The following ASXL1 variants were observed in gnomAD, a reference collection of about 807,000 sequenced individuals.
ASXL1 encodes the protein polycomb group protein ASXL1.
In ASXL1, 65 loss-of-function variants were observed where a neutral mutation model predicts 89.1. The ratio of observed to expected loss-of-function variants is 0.73; its 90% CI spans 0.60 to 0.90. ASXL1 has a LOEUF of 0.90. ASXL1 is among the 40% of genes least tolerant of loss of function. ASXL1 has a pLI of 0.00. For synonymous variants in ASXL1, 739 were observed against 746.9 expected (o/e 0.99, Z 0.17); for missense variants, 1,786 against 1,942.9 (o/e 0.92, Z 1.52).
At chr20:32,428,517 A>G in intron 6 of ASXL1, 95 bp downstream of exon 6, 6 of 1,187,358 alleles carry the variant, frequency 5.1e-6, no homozygotes, top group Non-Finnish European at 6.2e-6. Flanking sequence ...GAACATGTTC[A>G]GAGAGTGAAG....
At chr20:32,374,665 C>A (rs1223290227) in intron 4 of ASXL1, among the ~76,000 whole-genome samples, 1 of 152,008 alleles carries the variant, frequency 6.6e-6, no homozygotes, top group East Asian at 1.9e-4. Flanking sequence ...ACTAACTAGT[C>A]TCTTGTTATA....
Position 32,431,692 on chromosome 20 carries a change from G to T in ASXL1, c.979+13G>T, listed in dbSNP as rs1168960916. 6.2e-7 allele frequency: 1 copy of T among 1,611,724 alleles called. No individual in the cohort carries two copies. The highest frequency in any genetic ancestry group is 8.5e-7 in the Non-Finnish European group (1 of 1,179,870). On this transcript the variant is annotated intron_variant, in intron 10 of 12. Coordinates refer to ENST00000375687, the MANE Select transcript of ASXL1 (RefSeq NM_015338.6). ...CGCCTGGCTGATGGTATGTAGACTT[G>T]GTCATCTCGGACGGCTTGCGACGCA...
At chr20:32,369,439 A>T (rs1225031155) in intron 4 of ASXL1, among the ~76,000 whole-genome samples, 1 of 151,804 alleles carries the variant, frequency 6.6e-6, no homozygotes, top group Admixed American at 6.6e-5. Context: ...TTTAATAGAG[A>T]CGGGGTTTCA....
intron 4 of ASXL1, among the ~76,000 whole-genome samples, chr20:32,412,625 T>C (rs1216202652): frequency 1.3e-5 from 2 of 148,652 alleles, no homozygotes; most frequent in African/African-American, 5.0e-5. Context: ...GAAACAGGTC[T>C]CACTCTGTCT....
Position 32,433,273 on chromosome 20 carries a change from T to C in ASXL1, c.1086-11T>C. On this transcript the variant is annotated splice_polypyrimidine_tract_variant and intron_variant, in intron 11 of 12. Transcript: ENST00000375687. ...TGGCCTGAAACTGATGGCTGTGATT[T>C]TGATTTGCAGGCTGGGTTTGACCAA... 6.2e-7 allele frequency: 1 copy of C among 1,614,156 alleles called. No individual in the cohort carries two copies. Among genetic ancestry groups the C allele is most frequent in the Non-Finnish European group, 8.5e-7 (1 of 1,180,034 alleles).
intron 4 of ASXL1, chr20:32,371,763 T>A (rs2048304931): frequency 2.2e-6 from 1 of 448,152 alleles, no homozygotes; most frequent in Non-Finnish European, 4.5e-6. Flanking sequence ...AGCTAATTTT[T>A]AAATTTTTTC....
intron 4 of ASXL1, among the ~76,000 whole-genome samples, chr20:32,397,121 T>C (rs1211837767): frequency 1.4e-5 from 2 of 145,642 alleles, no homozygotes; most frequent in East Asian, 2.1e-4. Flanking sequence ...CTCGGCTCAC[T>C]GCAACCTCCG....
chr20:32,409,216 AC>A (rs2049005170), intron 4 of ASXL1, among the ~76,000 whole-genome samples: 1 of 151,390 alleles, frequency 6.6e-6, no homozygotes, highest in African/African-American at 2.4e-5. Context: ...CTCGTGATCT[AC>A]CTGCCTTGGC....
rs1226960123 is a variant in ASXL1 at position 32,435,690 on chromosome 20, G to A, written c.2978G>A (p.Ser993Asn). Reference protein sequence around the residue: ...LKINGDSEALSPHGESTDTAS... With the variant: ...LKINGDSEALNPHGESTDTAS... ...ATCAACGGAGACTCTGAAGCACTGA[G>A]TCCTCACGGTGAGTCCACGGATACA... The change falls in exon 13 of 13, where the codon AGT (serine) becomes AAT (asparagine). Residue 993 changes from serine (S) to asparagine (N), a missense_variant. Ser to Asn is a conservative substitution (Grantham distance 46). This residue lies in a region of ASXL1 where 1,418 missense variants were observed against 1,427.8 expected (regional missense o/e 0.99). Coordinates refer to ENST00000375687, the MANE Select transcript of ASXL1 (RefSeq NM_015338.6). The A allele has an allele frequency of 6.2e-7, 1 of 1,614,104 alleles. No homozygotes were observed. The highest frequency in any genetic ancestry group is 1.3e-5 in the African/African-American group (1 of 74,928).
At chr20:32,359,022 C>G (rs1474927583) in intron 1 of ASXL1, 190 bp downstream of exon 1, 13 of 651,382 alleles carry the variant, frequency 2.0e-5, no homozygotes, top group Non-Finnish European at 3.1e-5. Context: ...GGATGTGGCG[C>G]CTTTTTCCGC....
At chr20:32,430,233 C>A (rs2011475935) in intron 8 of ASXL1, 180 bp downstream of exon 8, 1 of 828,544 alleles carries the variant, frequency 1.2e-6, no homozygotes, top group African/African-American at 1.7e-5. Flanking sequence ...CTCTGCTAAA[C>A]TGTGAGAACT....
At chr20:32,416,489 T>C (rs2049141312) in intron 4 of ASXL1, among the ~76,000 whole-genome samples, 1 of 152,238 alleles carries the variant, frequency 6.6e-6, no homozygotes, top group African/African-American at 2.4e-5. Context: ...CCTATTCATA[T>C]GGAGGTATGT....
Position 32,438,802 on chromosome 20 carries a change from A to G in ASXL1, c.*1464A>G, listed in dbSNP as rs2012066726. On this transcript the variant is annotated 3_prime_UTR_variant, in exon 13 of 13. Coordinates refer to ENST00000375687, the MANE Select transcript of ASXL1 (RefSeq NM_015338.6). ...TGAGGCTCCTTTTGACGTACTTTTG[A>G]CATCAGGCAGGTTTGGGAAGAAACA... The G allele has an allele frequency of 4.3e-6, 1 of 233,520 alleles. No individual in the cohort carries two copies. The highest frequency in any genetic ancestry group is 8.5e-6 in the Non-Finnish European group (1 of 118,036). 14.5% of individuals were successfully genotyped at this position (233,520 alleles called of 1,614,324 possible). A position where few individuals can be genotyped will look rare whatever the true frequency, so the allele number is the denominator to read the frequency against.
chr20:32,375,884 G>GT (rs1392359506), intron 4 of ASXL1, among the ~76,000 whole-genome samples: 4 of 152,042 alleles, frequency 2.6e-5, no homozygotes. Flanking sequence ...GTTTTGTCAT[G>GT]TTGCCCAGGC....
intron 4 of ASXL1, among the ~76,000 whole-genome samples, chr20:32,390,964 T>C (rs2048661200): frequency 1.3e-5 from 2 of 152,126 alleles, no homozygotes; most frequent in Non-Finnish European, 2.9e-5. Context: ...GGCACGATCA[T>C]AGTTCACTGC....
intron 4 of ASXL1, among the ~76,000 whole-genome samples, chr20:32,403,694 C>T (rs1450958267): frequency 6.6e-6 from 1 of 152,214 alleles, no homozygotes; most frequent in African/African-American, 2.4e-5. Context: ...GGATTAAAGG[C>T]ATGAGCCACC....
chr20:32,375,052 G>T (rs2048354516), intron 4 of ASXL1, among the ~76,000 whole-genome samples: 1 of 152,040 alleles, frequency 6.6e-6, no homozygotes, highest in Non-Finnish European at 1.5e-5. Flanking sequence ...TTGCCATGTT[G>T]GTCAGGCTGG....
chr20:32,412,891 G>C (rs2049075459), intron 4 of ASXL1, among the ~76,000 whole-genome samples: 1 of 151,946 alleles, frequency 6.6e-6, no homozygotes, highest in African/African-American at 2.4e-5. Context: ...TTTTTGTTGG[G>C]GGATTTGATA....
At position 32,366,411 on chromosome 20, in the gene ASXL1, A is replaced by T. The variant is rs769223128; in HGVS notation, c.85A>T (p.Met29Leu). 1 of 1,613,942 alleles carries T rather than the reference A, an allele frequency of 6.2e-7. No individual in the cohort carries two copies. Among genetic ancestry groups the T allele is most frequent in the Non-Finnish European group, 8.5e-7 (1 of 1,179,810 alleles). Reference sequence around the variant, plus strand: ...ATTAGAAAACTACTCGGATGCTCCAATGACACCAAAACAGATTCTGCAGGT... The same window carrying T: ...ATTAGAAAACTACTCGGATGCTCCATTGACACCAAAACAGATTCTGCAGGT... ...LVLENYSDAP[M>L]TPKQILQVIE... Residue 29 changes from methionine to leucine, a missense_variant, in exon 2 of 13, where the codon ATG becomes TTG. Met to Leu is a conservative substitution (Grantham distance 15, BLOSUM62 2). This residue lies in a region of ASXL1 where 332 missense variants were observed against 449.7 expected (regional missense o/e 0.74). Coordinates refer to ENST00000375687, the MANE Select transcript of ASXL1 (RefSeq NM_015338.6).
Sources: gnomAD v4.1 joint callset for allele counts (sites outside exome capture counted in the v4.1 genomes callset) on GRCh38, gnomAD v4.1.1 for gene constraint, gnomAD v4.1.1 regional missense constraint, MANE v1.5 for transcripts, NCBI Gene and HGNC (gene_info 2026-07-23, HGNC 2026-07-21) for gene names.